PDE4D: variants seen among roughly 807,000 people sequenced by gnomAD.
PDE4D encodes 3',5'-cyclic-AMP phosphodiesterase 4D.
PDE4D carries 24 observed loss-of-function variants against 87.4 expected under a neutral mutation model. The ratio of observed to expected loss-of-function variants is 0.27; its 90% CI spans 0.20 to 0.39. The LOEUF (loss-of-function observed/expected upper bound fraction) is 0.39, where lower values mean the gene tolerates loss of function less well. Ranked by LOEUF, PDE4D falls within the 10% of genes least tolerant of loss-of-function variation. The probability of loss-of-function intolerance (pLI) is 1.00; values close to 1 mark genes in which losing one functional copy is unlikely to be tolerated. For synonymous variants in PDE4D, 384 were observed against 383.2 expected, an observed-to-expected ratio of 1.00 and a Z score of -0.02; for missense variants, 714 against 1,041.0, an observed-to-expected ratio of 0.69 and a Z score of 4.32.
intron 1 of PDE4D, among the ~76,000 whole-genome samples, chr5:59,761,883 C>T (rs1444741682): frequency 6.6e-6 from 1 of 151,982 alleles, no homozygotes; most frequent in Non-Finnish European, 1.5e-5. Flanking sequence ...ACTATATATG[C>T]TATATGTTTA....
chr5:59,510,881 C>A (rs965575118), intron 1 of PDE4D, among the ~76,000 whole-genome samples: 6 of 151,884 alleles, frequency 4.0e-5, no homozygotes, highest in African/African-American at 1.4e-4. Context: ...CCTACTTAAA[C>A]CGTTTTTTAA....
At position 59,964,972 on chromosome 5, in the gene PDE4D, T is replaced by A. The variant is rs943958364; in HGVS notation, c.272+23516A>T. 2.0e-5 allele frequency among the ~76,000 whole-genome samples: 3 copies of A among 152,250 alleles called. No homozygotes were observed. In the East Asian group the frequency reaches 5.8e-4, roughly 29 times the overall value. Reference sequence around the variant, plus strand: ...CCATGCTCTATTTTGCTTCAAGGCCTTTGCACATACTAAGAAAAATTAAAG... The same window carrying A: ...CCATGCTCTATTTTGCTTCAAGGCCATTGCACATACTAAGAAAAATTAAAG... On this transcript the variant is annotated intron_variant, in intron 3 of 16. Transcript: ENST00000502484.
intron 1 of PDE4D, among the ~76,000 whole-genome samples, chr5:59,778,328 CTG>C (rs930111746): frequency 6.6e-6 from 1 of 152,218 alleles, no homozygotes; most frequent in African/African-American, 2.4e-5. Context: ...CTATGGATAA[CTG>C]TAAAAGCAGG....
intron 5 of PDE4D, among the ~76,000 whole-genome samples, chr5:59,168,179 G>A (rs893167771): frequency 4.6e-5 from 7 of 152,026 alleles, no homozygotes; most frequent in African/African-American, 1.7e-4. Flanking sequence ...TCAGGACATG[G>A]TGAGCTAGGA....
rs138500246 is a variant in PDE4D at position 59,547,727 on chromosome 5, C to T, written c.456-331759G>A. On this transcript the variant is annotated intron_variant, in intron 1 of 14. Transcript: ENST00000340635. ...ACCATTTTTTCTGGTTACAGTGTAT[C>T]TCTGAATACTTGTCATGCATCTTCT... Among the ~76,000 whole-genome samples the T allele has an allele frequency of 5.2e-3, 795 of 152,200 alleles. 3 individuals carry two copies. The highest frequency in any genetic ancestry group is 0.018 in the African/African-American group (762 of 41,532).
intron 1 of PDE4D, among the ~76,000 whole-genome samples, chr5:59,643,143 A>C (rs1741882504): frequency 6.6e-6 from 1 of 152,200 alleles, no homozygotes; most frequent in Non-Finnish European, 1.5e-5. Context: ...AGAGAAAATG[A>C]ATACAATGAG....
At chr5:59,197,585 C>G (rs1262356346) in intron 2 of PDE4D, among the ~76,000 whole-genome samples, 1 of 152,146 alleles carries the variant, frequency 6.6e-6, no homozygotes, top group East Asian at 1.9e-4. Flanking sequence ...TAAAACAGAT[C>G]TTTTCAGACA....
intron 1 of PDE4D, among the ~76,000 whole-genome samples, chr5:59,277,101 T>C (rs1764965902): frequency 6.6e-6 from 1 of 152,156 alleles, no homozygotes; most frequent in African/African-American, 2.4e-5. Flanking sequence ...TTGGTGTTTA[T>C]TTAGCATTTG....
chr5:59,428,731 T>C (rs933815020), intron 1 of PDE4D, among the ~76,000 whole-genome samples: 11 of 152,204 alleles, frequency 7.2e-5, no homozygotes, highest in Non-Finnish European at 1.6e-4. Context: ...CTTCCATTCA[T>C]TCATCCACCC....
chr5:59,266,737 C>A (rs1051818316), intron 1 of PDE4D, among the ~76,000 whole-genome samples: 16 of 151,924 alleles, frequency 1.1e-4, no homozygotes, highest in African/African-American at 3.9e-4. Flanking sequence ...GAAACTTGAA[C>A]AGTCTAGGAC....
At chr5:60,520,947 T>A (rs140942590) in intron 1 of PDE4D, 1 of 152,704 alleles carries the variant, frequency 6.5e-6, no homozygotes, top group Non-Finnish European at 1.5e-5. Flanking sequence ...TAATCTGCAC[T>A]CATTCCTAAG....
chr5:59,235,442 C>A (rs189370655), intron 1 of PDE4D, among the ~76,000 whole-genome samples: 1 of 151,936 alleles, frequency 6.6e-6, no homozygotes, highest in East Asian at 1.9e-4. Flanking sequence ...AGATTTTTAT[C>A]CTTATTTGCT....
At chr5:60,506,271 A>G (rs956906932) in intron 1 of PDE4D, among the ~76,000 whole-genome samples, 6 of 152,256 alleles carry the variant, frequency 3.9e-5, no homozygotes, top group African/African-American at 1.4e-4. Context: ...ACATGAATGC[A>G]TACATGCACA....
intron 1 of PDE4D, among the ~76,000 whole-genome samples, chr5:59,745,366 T>G (rs1258559002): frequency 6.6e-6 from 1 of 152,194 alleles, no homozygotes. Context: ...TTAAAATATA[T>G]TTCTCTTCAA....
rs138274092 is a variant in PDE4D at position 59,524,216 on chromosome 5, G to A, written c.456-308248C>T. On this transcript the variant is annotated intron_variant, in intron 1 of 14. Transcript: ENST00000340635. ...GTGGGAAAATGTGCAACTTCCTAGAGACTTGGAGGGCTCAGAAGACAGAAA... is the reference window on the plus strand; with the variant it reads ...GTGGGAAAATGTGCAACTTCCTAGAAACTTGGAGGGCTCAGAAGACAGAAA... Among the ~76,000 whole-genome samples, 410 of 152,314 alleles carry A rather than the reference G, an allele frequency of 2.7e-3. 1 individual carries two copies. The highest frequency in any genetic ancestry group is 9.4e-3 in the African/African-American group (392 of 41,570).
chr5:60,431,956 G>A (rs192758454), intron 1 of PDE4D, among the ~76,000 whole-genome samples: 2,650 of 152,298 alleles, frequency 0.017, 70 homozygotes, highest in African/African-American at 0.06. Context: ...GCCTGCAATC[G>A]CAGGCACTCG....
chr5:59,880,954 T>G (rs920472145), intron 1 of PDE4D, among the ~76,000 whole-genome samples: 6 of 152,328 alleles, frequency 3.9e-5, no homozygotes, highest in Middle Eastern at 3.4e-3. Flanking sequence ...AAGTAATGAC[T>G]ATCTAACAGC....
At position 59,246,081 on chromosome 5, in the gene PDE4D, A is replaced by C. The variant is rs909563189; in HGVS notation, c.456-30113T>G. ...AATAACTAGTATCTGCTTAAACAAC[A>C]ACTACACTTCGAAAATCCTTTATTT... On this transcript the variant is annotated intron_variant, in intron 1 of 14. Coordinates refer to ENST00000340635, the MANE Select transcript of PDE4D (RefSeq NM_001104631.2). Among the ~76,000 whole-genome samples, 7 of 151,636 alleles carry C rather than the reference A, an allele frequency of 4.6e-5. No individual in the cohort carries two copies. In the East Asian group the frequency reaches 1.4e-3, roughly 29 times the overall value.
chr5:60,155,247 C>T (rs1426304912), intron 2 of PDE4D, among the ~76,000 whole-genome samples: 3 of 152,168 alleles, frequency 2.0e-5, no homozygotes, highest in Non-Finnish European at 4.4e-5. Context: ...CACATTCTTG[C>T]CAACACTAGG....
Sources: gnomAD v4.1 joint callset for allele counts (sites outside exome capture counted in the v4.1 genomes callset) on GRCh38, gnomAD v4.1.1 for gene constraint, MANE v1.5 for transcripts, NCBI Gene and HGNC (gene_info 2026-07-23, HGNC 2026-07-21) for gene names.